ANAPC7: variants seen among roughly 807,000 people sequenced by gnomAD.
ANAPC7 encodes anaphase-promoting complex subunit 7.
In ANAPC7, 25 loss-of-function variants were observed where a neutral mutation model predicts 63.3. That is an observed-to-expected ratio of 0.39 (90% CI 0.29 to 0.55). The LOEUF is 0.55. ANAPC7 is among the 20% of genes least tolerant of loss of function. The pLI is 0.57. For synonymous variants in ANAPC7, 241 were observed against 251.7 expected, an observed-to-expected ratio of 0.96 and a Z score of 0.40; for missense variants, 516 against 691.7, an observed-to-expected ratio of 0.75 and a Z score of 2.85.
chr12:110,392,780 A>T (rs1883208684), intron 3 of ANAPC7, among the ~76,000 whole-genome samples: 1 of 152,054 alleles, frequency 6.6e-6, no homozygotes, highest in Admixed American at 6.6e-5. Context: ...ACTAGACACC[A>T]GATCTTTTTT....
rs1881400520 is a variant in ANAPC7 at position 110,377,538 on chromosome 12, T to C, written c.1212A>G (p.Gly404=). The C allele has an allele frequency of 6.2e-7, 1 of 1,614,074 alleles. No homozygotes were observed. The highest frequency in any genetic ancestry group is 1.7e-5 in the Admixed American group (1 of 60,006). The change falls in exon 9 of 11, where the codon GGA becomes GGG. Residue 404 remains glycine (G), a synonymous_variant. Transcript: ENST00000455511. ...AAAGGGTAAGGGTCTGTGCATTTGC[T>C]CCCAGAGTTTTGTAAACGTTGTTAG... ...VMANNVYKTL[G]ANAQTLTLLA...
intron 6 of ANAPC7, among the ~76,000 whole-genome samples, chr12:110,384,620 G>T (rs1882280928): frequency 6.6e-6 from 1 of 150,822 alleles, no homozygotes; most frequent in African/African-American, 2.4e-5. Context: ...GGAGGTGGAG[G>T]TTGCAGTGAG....
At position 110,374,249 on chromosome 12, in the gene ANAPC7, C is replaced by T. The variant is rs961231028; in HGVS notation, c.1593G>A (p.Glu531=). 2 of 1,614,164 alleles carry T rather than the reference C, an allele frequency of 1.2e-6. No homozygotes were observed. The highest frequency in any genetic ancestry group is 8.5e-7 in the Non-Finnish European group (1 of 1,180,030). ...CACTCCCTTCCATGTCGTCCACATC[C>T]TCCTCCTGAGTGGCATCCGTGGGAC... The part of the protein sequence containing the change: ...EESPTDATQE[E]DVDDMEGSGE... Residue 531 remains glutamate, a synonymous_variant, in exon 11 of 11, where the codon GAG becomes GAA. Coordinates refer to ENST00000455511, the MANE Select transcript of ANAPC7 (RefSeq NM_016238.3).
intron 6 of ANAPC7, among the ~76,000 whole-genome samples, chr12:110,383,904 A>G (rs865904303): frequency 2.3e-5 from 3 of 132,156 alleles, no homozygotes; most frequent in South Asian, 2.4e-4. Context: ...AAAAAGAAAA[A>G]AAAAAGAAAA....
chr12:110,379,093 G>A (rs556426178), intron 8 of ANAPC7: 1 of 151,698 alleles, frequency 6.6e-6, no homozygotes, highest in East Asian at 2.0e-4. Flanking sequence ...AACTCCTGAC[G>A]TCAGGTGTTC....
intron 9 of ANAPC7, 74 bp from the exon 10 acceptor site, chr12:110,376,290 G>C: frequency 2.0e-5 from 31 of 1,540,352 alleles, no homozygotes; most frequent in Non-Finnish European, 2.7e-5. Context: ...CCATCTCTTT[G>C]CAGACATCCT....
intron 1 of ANAPC7, among the ~76,000 whole-genome samples, chr12:110,400,925 CTG>C (rs1345117545): frequency 1.3e-5 from 2 of 151,506 alleles, no homozygotes; most frequent in African/African-American, 4.8e-5. Flanking sequence ...TGGTGCGAAT[CTG>C]TAATCCCTGC....
At chr12:110,402,723 C>G (rs747009521) in intron 1 of ANAPC7, among the ~76,000 whole-genome samples, 2 of 152,000 alleles carry the variant, frequency 1.3e-5, no homozygotes, top group Non-Finnish European at 2.9e-5. Flanking sequence ...CCACGCCCAC[C>G]CATTAATGGA....
At chr12:110,401,704 G>A (rs934844360) in intron 1 of ANAPC7, among the ~76,000 whole-genome samples, 2 of 151,704 alleles carry the variant, frequency 1.3e-5, no homozygotes, top group Admixed American at 1.3e-4. Context: ...CAGACTGGTC[G>A]GCTGGGCGCG....
Position 110,395,138 on chromosome 12 carries a change from A to G in ANAPC7, c.371T>C (p.Ile124Thr). The G allele has an allele frequency of 6.2e-7, 1 of 1,613,874 alleles. No individual in the cohort carries two copies. Among genetic ancestry groups the G allele is most frequent in the Non-Finnish European group, 8.5e-7 (1 of 1,179,876 alleles). The change falls in exon 3 of 11, where the codon ATA becomes ACA. Residue 124 changes from isoleucine to threonine, a missense_variant. Ile to Thr is a moderately conservative substitution (Grantham distance 89). This residue lies in a region of ANAPC7 where 185 missense variants were observed against 200.3 expected (regional missense o/e 0.92). Transcript: ENST00000455511. ...TTGTCTTGAAGGGATCCCATCAAGTATAGCAATGGCATCTTTATCTTGTTT... is the reference window on the plus strand; with the variant it reads ...TTGTCTTGAAGGGATCCCATCAAGTGTAGCAATGGCATCTTTATCTTGTTT... The part of the protein sequence containing the change: ...MLKQDKDAIA[I>T]LDGIPSRQRT...
intron 1 of ANAPC7, among the ~76,000 whole-genome samples, chr12:110,398,802 T>A (rs578169269): frequency 1.3e-4 from 20 of 151,654 alleles, no homozygotes; most frequent in African/African-American, 4.8e-4. Context: ...AAAATTAGCC[T>A]GGCGTGGTGG....
At chr12:110,403,227 G>A (rs564797519) in intron 1 of ANAPC7, among the ~76,000 whole-genome samples, 1 of 152,220 alleles carries the variant, frequency 6.6e-6, no homozygotes, top group Non-Finnish European at 1.5e-5. Flanking sequence ...CGATGTGACA[G>A]TCGCGCTGCC....
intron 1 of ANAPC7, among the ~76,000 whole-genome samples, chr12:110,401,875 G>A (rs1238667660): frequency 2.7e-5 from 4 of 148,790 alleles, no homozygotes; most frequent in African/African-American, 5.0e-5. Flanking sequence ...TCGGGAGGCT[G>A]AGGCAGGATA....
At chr12:110,388,463 T>C (rs1882807417) in intron 4 of ANAPC7, 49 bp downstream of exon 4, 17 of 1,428,244 alleles carry the variant, frequency 1.2e-5, no homozygotes, top group Non-Finnish European at 1.6e-5. Flanking sequence ...TGAGAACTAC[T>C]ATCTTTGACA....
At chr12:110,393,950 A>T (rs1348680020) in intron 3 of ANAPC7, among the ~76,000 whole-genome samples, 2 of 151,478 alleles carry the variant, frequency 1.3e-5, no homozygotes, top group African/African-American at 4.9e-5. Flanking sequence ...TGGCAGGCGA[A>T]TCACAAAGTC....
Position 110,373,563 on chromosome 12 carries a change from C to G in ANAPC7, c.*581G>C, listed in dbSNP as rs1881000123. 1 of 152,290 alleles carries G rather than the reference C, an allele frequency of 6.6e-6. No homozygotes were observed. The highest frequency in any genetic ancestry group is 2.4e-5 in the African/African-American group (1 of 41,444). The allele number at this position is 152,290 out of a possible 1,614,324, so 9.4% of individuals were successfully genotyped here. A position where few individuals can be genotyped will look rare whatever the true frequency, so the allele number is the denominator to read the frequency against. On this transcript the variant is annotated 3_prime_UTR_variant, in exon 11 of 11. Coordinates refer to ENST00000455511, the MANE Select transcript of ANAPC7 (RefSeq NM_016238.3). Reference sequence around the variant, plus strand: ...TGTCACACCTGTTTCTCAGATCAGCCCAGGCTCAGAGGCAAGTTACTAGCT... The same window carrying G: ...TGTCACACCTGTTTCTCAGATCAGCGCAGGCTCAGAGGCAAGTTACTAGCT...
At chr12:110,388,473 A>G (rs1250848356) in intron 4 of ANAPC7, 39 bp downstream of exon 4, 2 of 1,498,772 alleles carry the variant, frequency 1.3e-6, no homozygotes, top group Non-Finnish European at 1.9e-6. Context: ...TATCTTTGAC[A>G]GTAAACATGC....
chr12:110,402,711 C>T (rs758330439), intron 1 of ANAPC7, among the ~76,000 whole-genome samples: 9 of 151,972 alleles, frequency 5.9e-5, no homozygotes, highest in Middle Eastern at 6.3e-3. Flanking sequence ...ACATGAAAGG[C>T]GCCACGCCCA....
chr12:110,387,587 G>T, intron 5 of ANAPC7, 152 bp downstream of exon 5: 3 of 824,540 alleles, frequency 3.6e-6, no homozygotes, highest in South Asian at 1.8e-5. Flanking sequence ...TTACATTTGG[G>T]ACCATTCAGT....
Sources: allele counts gnomAD v4.1 joint callset (sites outside exome capture counted in the v4.1 genomes callset), GRCh38; gene constraint gnomAD v4.1.1; regional missense constraint gnomAD v4.1.1; transcripts MANE v1.5; gene names NCBI Gene and HGNC (gene_info 2026-07-23, HGNC 2026-07-21).